The following ASPRV1 variants were observed in gnomAD, a reference collection of about 807,000 sequenced individuals.
ASPRV1 encodes the protein aspartic peptidase retroviral like 1, also known as retroviral-like aspartic protease 1.
A neutral mutation model predicts 11.0 loss-of-function variants in ASPRV1; 7 were observed. The observed-to-expected ratio is 0.64, with a 90% CI of 0.36 to 1.20. The LOEUF (loss-of-function observed/expected upper bound fraction) is 1.20. ASPRV1 is among the 50% of genes most tolerant of loss of function. ASPRV1 has a pLI of 0.02. For missense variants in ASPRV1, 299 were observed against 320.0 expected (o/e 0.93, Z 0.50); for synonymous variants, 136 against 138.4 (o/e 0.98, Z 0.12).
At chr2:69,957,975 G>A (rs938403594), downstream of ASPRV1, among the ~76,000 whole-genome samples, 1 of 152,132 alleles carries the variant, frequency 6.6e-6, no homozygotes, top group Non-Finnish European at 1.5e-5. Flanking sequence ...ATACCCAGAA[G>A]GCAGATGAAT....
the ASPRV1 span, among the ~76,000 whole-genome samples, chr2:70,002,888 T>A: frequency 6.6e-6 from 1 of 152,208 alleles, no homozygotes; most frequent in African/African-American, 2.4e-5. Context: ...GAGTATGCTC[T>A]TAAGTCCAAG....
At chr2:69,951,767 T>G in the ASPRV1 span, among the ~76,000 whole-genome samples, 2 of 150,862 alleles carry the variant, frequency 1.3e-5, no homozygotes, top group Admixed American at 1.3e-4. Flanking sequence ...TTTAGGGGGG[T>G]TTTAGGGGTT....
At chr2:70,009,380 A>G in the ASPRV1 span, among the ~76,000 whole-genome samples, 1 of 151,652 alleles carries the variant, frequency 6.6e-6, no homozygotes, top group East Asian at 1.9e-4. Flanking sequence ...CCCAGGCTGG[A>G]GTGCAGTGGC....
the ASPRV1 span, among the ~76,000 whole-genome samples, chr2:70,072,602 C>T: frequency 1.3e-5 from 2 of 151,640 alleles, no homozygotes; most frequent in Non-Finnish European, 2.9e-5. Context: ...AGTGCCTGTA[C>T]TCCCAGCTAC....
the ASPRV1 span, among the ~76,000 whole-genome samples, chr2:69,952,198 T>C: frequency 1.3e-5 from 2 of 152,166 alleles, no homozygotes; most frequent in Non-Finnish European, 2.9e-5. Flanking sequence ...ACTAAATGGG[T>C]ATAAAACCTA....
the ASPRV1 span, chr2:70,031,953 TTTC>T: frequency 1.3e-5 from 2 of 152,210 alleles, no homozygotes; most frequent in African/African-American, 4.8e-5. Flanking sequence ...ATGAGGTCAC[TTTC>T]TTAACAGTTC....
chr2:70,074,915 G>A, the ASPRV1 span: 1 of 151,250 alleles, frequency 6.6e-6, no homozygotes, highest in Non-Finnish European at 1.5e-5. Flanking sequence ...AAGAAATCGA[G>A]CATCCTGGCC....
At chr2:70,062,027 C>T in the ASPRV1 span, among the ~76,000 whole-genome samples, 113 of 151,530 alleles carry the variant, frequency 7.5e-4, no homozygotes, top group South Asian at 1.5e-3. Flanking sequence ...GTGGCTCACA[C>T]CTGTAATCCC....
chr2:69,934,742 C>A, the ASPRV1 span, among the ~76,000 whole-genome samples: 2 of 152,206 alleles, frequency 1.3e-5, no homozygotes, highest in Non-Finnish European at 2.9e-5. Flanking sequence ...TCTGGAAAAT[C>A]TTTCCTAATA....
chr2:70,003,840 G>T, the ASPRV1 span, among the ~76,000 whole-genome samples: 12 of 152,216 alleles, frequency 7.9e-5, no homozygotes, highest in African/African-American at 2.7e-4. Context: ...CTATTATCAT[G>T]GGAGTGGGTT....
At chr2:69,946,147 A>G in the ASPRV1 span, among the ~76,000 whole-genome samples, 42 of 152,256 alleles carry the variant, frequency 2.8e-4, no homozygotes, top group African/African-American at 9.9e-4. Flanking sequence ...AACATCCAAC[A>G]CACTCGCCTT....
At chr2:70,051,165 G>A in the ASPRV1 span, 1 of 152,004 alleles carries the variant, frequency 6.6e-6, no homozygotes, top group African/African-American at 2.4e-5. Flanking sequence ...CTACTTAACC[G>A]AGATGAAACT....
At chr2:69,987,469 G>A in the ASPRV1 span, among the ~76,000 whole-genome samples, 810 of 151,818 alleles carry the variant, frequency 5.3e-3, 6 homozygotes, top group African/African-American at 0.019. Flanking sequence ...AAATCAGTTC[G>A]GGGTGGTGGC....
the ASPRV1 span, among the ~76,000 whole-genome samples, chr2:69,986,684 A>G: frequency 1.3e-5 from 2 of 152,210 alleles, no homozygotes; most frequent in African/African-American, 4.8e-5. Flanking sequence ...GGGGGACAAG[A>G]GAACCATGAG....
the ASPRV1 span, chr2:70,016,476 G>A: frequency 1.3e-5 from 2 of 151,946 alleles, no homozygotes; most frequent in Non-Finnish European, 2.9e-5. Context: ...GGAGTTTAAG[G>A]CCTGCAGTAA....
chr2:69,981,134 T>A, the ASPRV1 span, among the ~76,000 whole-genome samples: 10 of 152,222 alleles, frequency 6.6e-5, no homozygotes, highest in Admixed American at 2.6e-4. Context: ...ACCCAGAATT[T>A]CACTTCTAAG....
At chr2:69,936,214 A>C in the ASPRV1 span, among the ~76,000 whole-genome samples, 1 of 151,260 alleles carries the variant, frequency 6.6e-6, no homozygotes, top group South Asian at 2.1e-4. Flanking sequence ...CAACTCAGTG[A>C]CCTCCTTCCT....
At chr2:69,990,332 C>G in the ASPRV1 span, among the ~76,000 whole-genome samples, 1 of 151,940 alleles carries the variant, frequency 6.6e-6, no homozygotes, top group Non-Finnish European at 1.5e-5. Context: ...TACAGGCCCC[C>G]GCCACCATGT....
chr2:69,964,208 C>G (rs147457185), upstream of ASPRV1: 38 of 343,372 alleles, frequency 1.1e-4, no homozygotes, highest in Admixed American at 8.8e-4. Context: ...AATCACCTCT[C>G]TCACCAAGGA....
Sources: allele counts gnomAD v4.1 joint callset (sites outside exome capture counted in the v4.1 genomes callset), GRCh38; gene constraint gnomAD v4.1.1; transcripts MANE v1.5; gene names NCBI Gene and HGNC (gene_info 2026-07-23, HGNC 2026-07-21).